CRTAC1: variants seen among roughly 807,000 people sequenced by gnomAD.
CRTAC1 encodes the protein acidic secreted protein in cartilage.
Under a neutral mutation model 67.8 loss-of-function variants are expected in CRTAC1, and 37 were observed. The observed-to-expected ratio is 0.55, with a 90% CI of 0.42 to 0.72. The LOEUF is 0.72. Among genes scored for constraint, CRTAC1 ranks in the 30% least tolerant of loss-of-function variants. The pLI is 0.00. For missense variants in CRTAC1, 780 were observed against 931.6 expected, an observed-to-expected ratio of 0.84 and a Z score of 2.12; for synonymous variants, 348 against 371.0, an observed-to-expected ratio of 0.94 and a Z score of 0.71.
intron 2 of CRTAC1, among the ~76,000 whole-genome samples, chr10:97,962,077 T>A (rs2051535197): frequency 6.6e-6 from 1 of 152,164 alleles, no homozygotes; most frequent in South Asian, 2.1e-4. Flanking sequence ...GCCCAGCAAA[T>A]CCCTGTTCTC....
intron 2 of CRTAC1, among the ~76,000 whole-genome samples, chr10:97,941,709 T>G (rs1473391715): frequency 1.3e-5 from 2 of 152,160 alleles, no homozygotes; most frequent in Non-Finnish European, 1.5e-5. Flanking sequence ...TTTTCTTCTT[T>G]CCTCCTCCAC....
intron 8 of CRTAC1, among the ~76,000 whole-genome samples, chr10:97,899,435 G>T (rs1033825204): frequency 6.6e-6 from 1 of 152,210 alleles, no homozygotes; most frequent in African/African-American, 2.4e-5. Flanking sequence ...TGGATGGGCA[G>T]GATGGGCAGG....
chr10:97,884,395 G>C (rs1056186722), intron 11 of CRTAC1, 44 bp from the exon 12 acceptor site: 1 of 1,512,952 alleles, frequency 6.6e-7, no homozygotes, highest in Admixed American at 2.0e-5. Context: ...AGGAGAGCAG[G>C]AGGCTCTCAG....
intron 3 of CRTAC1, among the ~76,000 whole-genome samples, chr10:97,930,551 T>C (rs577518502): frequency 1.3e-5 from 2 of 152,332 alleles, no homozygotes; most frequent in East Asian, 3.9e-4. Flanking sequence ...CCTAACAGTC[T>C]GCATTTTTAA....
At chr10:97,899,427 G>C (rs2050503418) in intron 8 of CRTAC1, among the ~76,000 whole-genome samples, 2 of 152,192 alleles carry the variant, frequency 1.3e-5, no homozygotes, top group Admixed American at 1.3e-4. Flanking sequence ...AAGCAGGCTG[G>C]ATGGGCAGGA....
At chr10:97,908,985 C>T (rs1017672785) in intron 5 of CRTAC1, among the ~76,000 whole-genome samples, 5 of 152,126 alleles carry the variant, frequency 3.3e-5, no homozygotes, top group African/African-American at 1.2e-4. Flanking sequence ...GAAAGAGAAA[C>T]GATAGTTGGC....
chr10:98,000,203 G>C (rs554203047), intron 2 of CRTAC1, among the ~76,000 whole-genome samples: 153 of 152,328 alleles, frequency 1.0e-3, no homozygotes, highest in African/African-American at 3.3e-3. Flanking sequence ...ATACAAAGAA[G>C]GCTGAAACAT....
At chr10:98,008,601 C>T (rs1315954833) in intron 2 of CRTAC1, among the ~76,000 whole-genome samples, 1 of 152,114 alleles carries the variant, frequency 6.6e-6, no homozygotes, top group Non-Finnish European at 1.5e-5. Flanking sequence ...TTTCCATGCT[C>T]TGAAAGGCTT....
intron 2 of CRTAC1, among the ~76,000 whole-genome samples, chr10:97,982,808 A>G (rs1294234119): frequency 1.3e-5 from 2 of 152,270 alleles, no homozygotes; most frequent in Non-Finnish European, 2.9e-5. Flanking sequence ...CTAGCCTGTT[A>G]TGGAGGACCT....
At chr10:97,949,460 G>A (rs755961849) in intron 2 of CRTAC1, among the ~76,000 whole-genome samples, 2 of 152,240 alleles carry the variant, frequency 1.3e-5, no homozygotes, top group Non-Finnish European at 2.9e-5. Context: ...GGTGGAACAA[G>A]GGAAGGCAGC....
intron 2 of CRTAC1, among the ~76,000 whole-genome samples, chr10:97,982,808 A>T (rs1294234119): frequency 6.6e-6 from 1 of 152,270 alleles, no homozygotes; most frequent in Non-Finnish European, 1.5e-5. Context: ...CTAGCCTGTT[A>T]TGGAGGACCT....
intron 2 of CRTAC1, among the ~76,000 whole-genome samples, chr10:97,965,042 G>A (rs1391341103): frequency 1.3e-5 from 2 of 152,132 alleles, no homozygotes; most frequent in African/African-American, 4.8e-5. Flanking sequence ...GAATTGGAAG[G>A]TGACGCTGAT....
chr10:97,953,376 A>T (rs1225681329), intron 2 of CRTAC1, among the ~76,000 whole-genome samples: 1 of 152,064 alleles, frequency 6.6e-6, no homozygotes, highest in Non-Finnish European at 1.5e-5. Context: ...TTGAAATTCA[A>T]TGTACGACAA....
In CRTAC1 at chr10:98,028,047, C is replaced by T. The variant is rs576467330; in HGVS notation, c.24+2402G>A. 2.0e-5 allele frequency among the ~76,000 whole-genome samples: 3 copies of T among 152,320 alleles called. No homozygotes were observed. The South Asian group carries it at 6.2e-4, about 32-fold the overall frequency. ...TCTCCAAGGCTCCTTGCTTCTGGCTCTAATGTTCTGGAACTCCATGAACCC... is the reference window on the plus strand; with the variant it reads ...TCTCCAAGGCTCCTTGCTTCTGGCTTTAATGTTCTGGAACTCCATGAACCC... On this transcript the variant is annotated intron_variant, in intron 1 of 14. Transcript: ENST00000370597.
At chr10:97,945,405 A>G (rs1386324759) in intron 2 of CRTAC1, among the ~76,000 whole-genome samples, 1 of 152,190 alleles carries the variant, frequency 6.6e-6, no homozygotes, top group Non-Finnish European at 1.5e-5. Flanking sequence ...AGAATAGATC[A>G]TTTCTTTGGA....
chr10:97,893,270 ATG>A (rs2050402796), intron 11 of CRTAC1, among the ~76,000 whole-genome samples: 1 of 98,364 alleles, frequency 1.0e-5, no homozygotes, highest in Non-Finnish European at 2.3e-5. Flanking sequence ...TTCTGCACAT[ATG>A]TGTGTATAAT....
At chr10:97,928,792 TG>T (rs1173321122) in intron 3 of CRTAC1, among the ~76,000 whole-genome samples, 1 of 151,744 alleles carries the variant, frequency 6.6e-6, no homozygotes, top group Non-Finnish European at 1.5e-5. Flanking sequence ...GAGGGGACAT[TG>T]AGTTTGCCCA....
At chr10:97,990,904 T>C (rs1319109480) in intron 2 of CRTAC1, among the ~76,000 whole-genome samples, 2 of 152,140 alleles carry the variant, frequency 1.3e-5, no homozygotes, top group African/African-American at 2.4e-5. Context: ...GACAACACCA[T>C]ATTTGACAAT....
At chr10:97,995,255 T>G (rs551337067) in intron 2 of CRTAC1, among the ~76,000 whole-genome samples, 1 of 152,242 alleles carries the variant, frequency 6.6e-6, no homozygotes, top group Admixed American at 6.5e-5. Flanking sequence ...CTTTTCTTGG[T>G]GCATGGGGCT....
Sources: allele counts gnomAD v4.1 joint callset (sites outside exome capture counted in the v4.1 genomes callset), GRCh38; gene constraint gnomAD v4.1.1; transcripts MANE v1.5; gene names NCBI Gene and HGNC (gene_info 2026-07-23, HGNC 2026-07-21).